RHOA: variants seen among roughly 807,000 people sequenced by gnomAD.
The protein encoded by RHOA is transforming protein RhoA.
In RHOA, 3 loss-of-function variants were observed where a neutral mutation model predicts 17.5. That is an observed-to-expected ratio of 0.17 (90% CI 0.08 to 0.44). The LOEUF (loss-of-function observed/expected upper bound fraction) is 0.44, where lower values mean the gene tolerates loss of function less well. Among genes scored for constraint, RHOA ranks in the 20% least tolerant of loss-of-function variants. The pLI, the probability that RHOA is intolerant of heterozygous loss-of-function variation, is 0.99. For missense variants in RHOA, 56 were observed against 242.3 expected, an observed-to-expected ratio of 0.23 and a Z score of 5.10; for synonymous variants, 98 against 88.4, an observed-to-expected ratio of 1.11 and a Z score of -0.61.
chr3:49,389,100 G>A (rs547279497), intron 1 of RHOA, among the ~76,000 whole-genome samples: 3 of 152,158 alleles, frequency 2.0e-5, no homozygotes, highest in South Asian at 2.1e-4. Context: ...CCAGCACTTT[G>A]GGAGGCCGAG....
At chr3:49,379,705 CG>C in intron 1 of RHOA, among the ~76,000 whole-genome samples, 1 of 152,074 alleles carries the variant, frequency 6.6e-6, no homozygotes, top group African/African-American at 2.4e-5. Flanking sequence ...TAGTAGTGAC[CG>C]GGTTTCACCA....
At chr3:49,362,923 G>T (rs759860458) in intron 3 of RHOA, among the ~76,000 whole-genome samples, 1 of 152,194 alleles carries the variant, frequency 6.6e-6, no homozygotes, top group South Asian at 2.1e-4. Context: ...AGTTTCACGG[G>T]GGGCACTTCC....
At chr3:49,382,301 A>G (rs1451755701) in intron 1 of RHOA, among the ~76,000 whole-genome samples, 1 of 151,984 alleles carries the variant, frequency 6.6e-6, no homozygotes, top group African/African-American at 2.4e-5. Context: ...CCTGGGTGAC[A>G]GAGAGAGACT....
chr3:49,404,709 G>C (rs2048792405), intron 1 of RHOA, among the ~76,000 whole-genome samples: 1 of 142,062 alleles, frequency 7.0e-6, no homozygotes, highest in African/African-American at 2.6e-5. Context: ...CAGGCAGATT[G>C]CCTGAGCTCA....
At chr3:49,367,552 T>C (rs933258974) in intron 3 of RHOA, among the ~76,000 whole-genome samples, 1 of 151,888 alleles carries the variant, frequency 6.6e-6, no homozygotes, top group Non-Finnish European at 1.5e-5. Context: ...TCATCTTTTT[T>C]TTTGGGAGAT....
At chr3:49,384,076 T>C (rs2048359698) in intron 1 of RHOA, among the ~76,000 whole-genome samples, 1 of 152,038 alleles carries the variant, frequency 6.6e-6, no homozygotes, top group South Asian at 2.1e-4. Context: ...TAAAGAACAT[T>C]TGGCCCAGAA....
intron 1 of RHOA, among the ~76,000 whole-genome samples, chr3:49,396,819 T>C (rs895045671): frequency 6.6e-6 from 1 of 151,908 alleles, no homozygotes; most frequent in African/African-American, 2.4e-5. Flanking sequence ...ACCACATCTT[T>C]ACTAAAAAAA....
At chr3:49,395,585 C>T (rs535096777) in intron 1 of RHOA, among the ~76,000 whole-genome samples, 41 of 151,792 alleles carry the variant, frequency 2.7e-4, no homozygotes, top group Admixed American at 7.9e-4. Context: ...TGGTGGTGGG[C>T]GCCTATAATT....
At chr3:49,365,776 C>T (rs1197811406) in intron 3 of RHOA, among the ~76,000 whole-genome samples, 2 of 150,286 alleles carry the variant, frequency 1.3e-5, no homozygotes, top group East Asian at 4.0e-4. Context: ...TTTTTAGTAG[C>T]GACAGGATTT....
chr3:49,406,774 G>A (rs2048838232), intron 1 of RHOA: 1 of 151,876 alleles, frequency 6.6e-6, no homozygotes, highest in African/African-American at 2.4e-5. Context: ...AGGAGTACAA[G>A]ATCTGTCTGG....
chr3:49,372,105 T>C (rs2048155423), intron 2 of RHOA, among the ~76,000 whole-genome samples: 1 of 152,240 alleles, frequency 6.6e-6, no homozygotes, highest in Admixed American at 6.5e-5. Flanking sequence ...TTTCTATGTA[T>C]GGTGCATCAA....
chr3:49,366,297 A>G (rs1054953040), intron 3 of RHOA, among the ~76,000 whole-genome samples: 7 of 152,160 alleles, frequency 4.6e-5, no homozygotes, highest in Admixed American at 2.0e-4. Flanking sequence ...AAAGGAAGTC[A>G]TATTAGTTTG....
chr3:49,375,215 G>C (rs911654508), intron 2 of RHOA, among the ~76,000 whole-genome samples: 1 of 151,452 alleles, frequency 6.6e-6, no homozygotes, highest in Non-Finnish European at 1.5e-5. Context: ...AGCCAAGACC[G>C]AGCCACTGCA....
At chr3:49,382,782 A>T (rs1231455336) in intron 1 of RHOA, among the ~76,000 whole-genome samples, 2 of 152,182 alleles carry the variant, frequency 1.3e-5, no homozygotes, top group Non-Finnish European at 2.9e-5. Context: ...GCTTTGGCCG[A>T]GTGTGCTGGG....
intron 1 of RHOA, among the ~76,000 whole-genome samples, chr3:49,403,682 G>C (rs971856238): frequency 6.6e-6 from 1 of 152,050 alleles, no homozygotes; most frequent in Non-Finnish European, 1.5e-5. Context: ...CCATGATTCC[G>C]ACACTGCACT....
chr3:49,371,079 T>C (rs1234114173), intron 2 of RHOA, among the ~76,000 whole-genome samples: 1 of 152,142 alleles, frequency 6.6e-6, no homozygotes, highest in Non-Finnish European at 1.5e-5. Context: ...ATTTACTCCC[T>C]GGCAAATCCC....
chr3:49,366,212 G>A (rs879283554), intron 3 of RHOA, among the ~76,000 whole-genome samples: 4 of 152,114 alleles, frequency 2.6e-5, no homozygotes, highest in African/African-American at 4.8e-5. Flanking sequence ...TCTGATAGGA[G>A]AGTGTCAACT....
chr3:49,381,568 C>CT (rs1178737961), intron 1 of RHOA, among the ~76,000 whole-genome samples: 1 of 148,492 alleles, frequency 6.7e-6, no homozygotes, highest in East Asian at 2.0e-4. Flanking sequence ...CAGTGAGACT[C>CT]TGTCAAAAAA....
chr3:49,385,607 T>A (rs986392343), intron 1 of RHOA, among the ~76,000 whole-genome samples: 2 of 152,166 alleles, frequency 1.3e-5, no homozygotes, highest in Admixed American at 1.3e-4. Flanking sequence ...GAAGTCAAAT[T>A]TATCTATTTT....
Sources: allele counts gnomAD v4.1 joint callset (sites outside exome capture counted in the v4.1 genomes callset), GRCh38; gene constraint gnomAD v4.1.1; transcripts MANE v1.5; gene names NCBI Gene and HGNC (gene_info 2026-07-23, HGNC 2026-07-21).